TMEM232: variants seen among roughly 807,000 people sequenced by gnomAD.
TMEM232 encodes transmembrane protein 232.
A neutral mutation model predicts 78.8 loss-of-function variants in TMEM232; 80 were observed. That is an observed-to-expected ratio of 1.01 (90% CI 0.85 to 1.22). The LOEUF (loss-of-function observed/expected upper bound fraction) is 1.22. Ranked by LOEUF, TMEM232 falls within the 50% of genes most tolerant of loss-of-function variation. TMEM232 has a pLI of 0.00. For missense variants in TMEM232, 881 were observed against 742.2 expected (o/e 1.19, Z -2.17); for synonymous variants, 297 against 254.3 (o/e 1.17, Z -1.60).
intron 12 of TMEM232, among the ~76,000 whole-genome samples, chr5:110,490,764 G>A (rs1764997899): frequency 6.6e-6 from 1 of 152,064 alleles, no homozygotes; most frequent in African/African-American, 2.4e-5. Context: ...AGGACAACTT[G>A]ATATCCACTT....
chr5:110,470,604 C>T (rs919413749), intron 12 of TMEM232, among the ~76,000 whole-genome samples: 2 of 152,108 alleles, frequency 1.3e-5, no homozygotes, highest in Non-Finnish European at 2.9e-5. Flanking sequence ...CTTGTGCTGC[C>T]ACCATCACTC....
intron 12 of TMEM232, among the ~76,000 whole-genome samples, chr5:110,493,090 C>G (rs923070271): frequency 6.6e-6 from 1 of 151,650 alleles, no homozygotes; most frequent in African/African-American, 2.4e-5. Flanking sequence ...ACAACAACAA[C>G]AAAACACCCA....
intron 2 of TMEM232, 107 bp from the exon 3 acceptor site, chr5:110,642,478 A>C: frequency 1.3e-6 from 1 of 743,164 alleles, no homozygotes; most frequent in Non-Finnish European, 2.0e-6. Flanking sequence ...TAGCAAAAAT[A>C]CTTTCTTAAT....
chr5:110,716,498 A>G (rs1428591110), intron 1 of TMEM232, among the ~76,000 whole-genome samples: 1 of 152,156 alleles, frequency 6.6e-6, no homozygotes, highest in Non-Finnish European at 1.5e-5. Context: ...TTAGATTCTC[A>G]TAAGGAGCTC....
chr5:110,654,664 G>GT (rs1188140755), intron 2 of TMEM232, among the ~76,000 whole-genome samples: 5 of 152,160 alleles, frequency 3.3e-5, no homozygotes, highest in Admixed American at 6.5e-5. Flanking sequence ...CTTTAAAGTA[G>GT]TTTTTTCCAA....
At chr5:110,547,924 G>C (rs1581170119) in intron 11 of TMEM232, among the ~76,000 whole-genome samples, 1 of 150,634 alleles carries the variant, frequency 6.6e-6, no homozygotes, top group South Asian at 2.1e-4. Flanking sequence ...CTTGAACCCG[G>C]GAGGCGAAGG....
intron 1 of TMEM232, among the ~76,000 whole-genome samples, chr5:110,687,682 C>CT (rs1793592857): frequency 6.6e-6 from 1 of 152,058 alleles, no homozygotes; most frequent in African/African-American, 2.4e-5. Context: ...TTCTCTTTCT[C>CT]TTTCTCTTTG....
At chr5:110,457,343 A>T (rs1229389828) in intron 12 of TMEM232, among the ~76,000 whole-genome samples, 1 of 152,142 alleles carries the variant, frequency 6.6e-6, no homozygotes, top group Non-Finnish European at 1.5e-5. Context: ...GAATGGCTAC[A>T]GTTAACAAAC....
chr5:110,593,925 A>G (rs1203589326), intron 10 of TMEM232, among the ~76,000 whole-genome samples: 2 of 152,130 alleles, frequency 1.3e-5, no homozygotes, highest in Non-Finnish European at 2.9e-5. Context: ...AATATCCCAC[A>G]TACCTGATAA....
intron 1 of TMEM232, among the ~76,000 whole-genome samples, chr5:110,680,882 T>C (rs1286117349): frequency 6.6e-6 from 1 of 151,844 alleles, no homozygotes; most frequent in Non-Finnish European, 1.5e-5. Flanking sequence ...TCTAATCTGA[T>C]TTGCCTTAAA....
At chr5:110,578,553 C>A (rs1423064567) in intron 10 of TMEM232, among the ~76,000 whole-genome samples, 1 of 151,886 alleles carries the variant, frequency 6.6e-6, no homozygotes, top group Non-Finnish European at 1.5e-5. Flanking sequence ...AAAATTTGTT[C>A]ACCTATAACT....
At chr5:110,705,723 T>C (rs201747916) in intron 1 of TMEM232, among the ~76,000 whole-genome samples, 1,206 of 29,204 alleles carry the variant, frequency 0.041, 4 homozygotes, top group Middle Eastern at 0.14. Context: ...TATATATATA[T>C]ACACACACAC....
At chr5:110,705,708 G>GTATA (rs60017669) in intron 1 of TMEM232, among the ~76,000 whole-genome samples, 11,753 of 107,800 alleles carry the variant, frequency 0.11, 571 homozygotes, top group South Asian at 0.27. Context: ...ATATGTGTGT[G>GTATA]TATATATATA....
intron 1 of TMEM232, among the ~76,000 whole-genome samples, chr5:110,717,769 C>A (rs1169142764): frequency 6.6e-6 from 1 of 152,028 alleles, no homozygotes; most frequent in East Asian, 1.9e-4. Flanking sequence ...AGGGGCTCTC[C>A]CCCTTTCACT....
intron 10 of TMEM232, among the ~76,000 whole-genome samples, chr5:110,603,739 G>T (rs1353052030): frequency 1.3e-5 from 2 of 152,028 alleles, no homozygotes; most frequent in Non-Finnish European, 2.9e-5. Flanking sequence ...GTTTAAAATT[G>T]GCACCAATAA....
intron 8 of TMEM232, among the ~76,000 whole-genome samples, chr5:110,615,937 T>G (rs766653914): frequency 2.6e-5 from 4 of 151,914 alleles, no homozygotes; most frequent in Non-Finnish European, 5.9e-5. Context: ...AGCAATTAAG[T>G]GGGAAGATAT....
At chr5:110,484,133 T>G (rs994208710) in intron 12 of TMEM232, among the ~76,000 whole-genome samples, 1 of 151,902 alleles carries the variant, frequency 6.6e-6, no homozygotes, top group South Asian at 2.1e-4. Context: ...GATATAAAGA[T>G]GAAAACAATA....
At chr5:110,636,635 C>G (rs1335376232) in intron 5 of TMEM232, among the ~76,000 whole-genome samples, 1 of 151,978 alleles carries the variant, frequency 6.6e-6, no homozygotes, top group Non-Finnish European at 1.5e-5. Flanking sequence ...TCACTGGACT[C>G]TGTAGCCACA....
chr5:110,460,756 A>C (rs1203499161), intron 12 of TMEM232, among the ~76,000 whole-genome samples: 1 of 150,938 alleles, frequency 6.6e-6, no homozygotes, highest in East Asian at 1.9e-4. Flanking sequence ...GCATGTGCGC[A>C]CTCGGTGTCT....
Sources: gnomAD v4.1 joint callset for allele counts (sites outside exome capture counted in the v4.1 genomes callset) on GRCh38, gnomAD v4.1.1 for gene constraint, MANE v1.5 for transcripts, NCBI Gene and HGNC (gene_info 2026-07-23, HGNC 2026-07-21) for gene names.